The following C12orf42 variants were observed in gnomAD, a reference collection of about 807,000 sequenced individuals.
C12orf42 encodes the protein uncharacterized protein C12orf42.
A neutral mutation model predicts 21.6 loss-of-function variants in C12orf42; 25 were observed. The ratio of observed to expected loss-of-function variants is 1.16; its 90% confidence interval spans 0.84 to 1.62. C12orf42 has a LOEUF of 1.62. Among genes scored for constraint, C12orf42 ranks in the 40% most tolerant of loss-of-function variants. The probability of loss-of-function intolerance (pLI) is 0.00; values close to 1 mark genes in which losing one functional copy is unlikely to be tolerated. For missense variants in C12orf42, 483 were observed against 459.3 expected (o/e 1.05, Z -0.47); for synonymous variants, 174 against 175.0 (o/e 0.99, Z 0.05).
intron 4 of C12orf42, among the ~76,000 whole-genome samples, chr12:103,327,970 C>A (rs1354719241): frequency 6.6e-6 from 1 of 152,196 alleles, no homozygotes; most frequent in East Asian, 1.9e-4. Flanking sequence ...CTGAAAATTC[C>A]AGGAAGATCT....
chr12:103,347,555 T>C (rs2042739482), intron 4 of C12orf42, among the ~76,000 whole-genome samples: 1 of 152,104 alleles, frequency 6.6e-6, no homozygotes, highest in Non-Finnish European at 1.5e-5. Flanking sequence ...CAAAATTCCA[T>C]AAAATCAACA....
chr12:103,498,868 T>C (rs1257891834), upstream of C12orf42, among the ~76,000 whole-genome samples: 1 of 130,984 alleles, frequency 7.6e-6, no homozygotes, highest in African/African-American at 2.9e-5. Context: ...CTGGGGCCTG[T>C]TGGGGGGTGG....
At chr12:103,096,502 A>G in the C12orf42 span, among the ~76,000 whole-genome samples, 2 of 152,156 alleles carry the variant, frequency 1.3e-5, no homozygotes, top group Non-Finnish European at 2.9e-5. Flanking sequence ...AAATTTGAGC[A>G]CCTCTGGCCT....
chr12:103,313,167 C>T (rs1470944998), intron 4 of C12orf42, among the ~76,000 whole-genome samples: 1 of 152,210 alleles, frequency 6.6e-6, no homozygotes, highest in Non-Finnish European at 1.5e-5. Context: ...TTTTGCCTTT[C>T]TCTCTAGGCA....
At position 103,401,614 on chromosome 12, in the gene C12orf42, C is replaced by A. The variant is rs764760133; in HGVS notation, c.140G>T (p.Ser47Ile). Residue 47 changes from serine to isoleucine, a missense_variant, in exon 3 of 6, where the codon AGT (serine) becomes ATT (isoleucine). Coordinates refer to ENST00000548883, the MANE Select transcript of C12orf42 (RefSeq NM_198521.5). ...AACATTCCGCTGACTCACCTTTGCA[C>A]TGGGTGTGCTTCTATCCCACAGGGT... The part of the protein sequence containing the change: ...SATLWDRSTP[S>I]AKHIPCYERT... 16 of 1,613,776 alleles carry A rather than the reference C, an allele frequency of 9.9e-6. No homozygotes were observed. The East Asian group carries it at 3.6e-4, about 36-fold the overall frequency.
At chr12:103,129,079 G>A in the C12orf42 span, among the ~76,000 whole-genome samples, 1 of 152,108 alleles carries the variant, frequency 6.6e-6, no homozygotes, top group South Asian at 2.1e-4. Context: ...AGTGTTCTCA[G>A]CAATCTGTCT....
the C12orf42 span, among the ~76,000 whole-genome samples, chr12:103,209,893 C>A: frequency 6.6e-6 from 1 of 152,088 alleles, no homozygotes; most frequent in East Asian, 1.9e-4. Context: ...TTTCTTAATG[C>A]AATTAAATTT....
At chr12:103,451,073 T>C (rs529881883) in intron 2 of C12orf42, among the ~76,000 whole-genome samples, 5 of 152,110 alleles carry the variant, frequency 3.3e-5, no homozygotes, top group Non-Finnish European at 5.9e-5. Context: ...TGTGTCAGAC[T>C]GCTGTAGGAC....
chr12:103,463,801 A>C (rs930295272), intron 2 of C12orf42, among the ~76,000 whole-genome samples: 2 of 151,978 alleles, frequency 1.3e-5, no homozygotes, highest in African/African-American at 2.4e-5. Flanking sequence ...TTCACCTTCC[A>C]CTTATAAGTG....
chr12:103,200,327 G>C, the C12orf42 span, among the ~76,000 whole-genome samples: 24 of 152,168 alleles, frequency 1.6e-4, no homozygotes, highest in Admixed American at 1.6e-3. Context: ...AGTGACTGGG[G>C]AAACAGGGAA....
the C12orf42 span, among the ~76,000 whole-genome samples, chr12:103,177,766 TAAACTC>T: frequency 1.3e-5 from 2 of 152,194 alleles, no homozygotes; most frequent in African/African-American, 4.8e-5. Flanking sequence ...TTTTGTGTAT[TAAACTC>T]AGACTAATCA....
At chr12:103,324,705 C>A (rs1229525559) in intron 4 of C12orf42, among the ~76,000 whole-genome samples, 1 of 152,152 alleles carries the variant, frequency 6.6e-6, no homozygotes, top group Non-Finnish European at 1.5e-5. Flanking sequence ...GTCCCCTCAT[C>A]CCTATTATGG....
chr12:103,200,581 C>T, the C12orf42 span, among the ~76,000 whole-genome samples: 1 of 152,112 alleles, frequency 6.6e-6, no homozygotes, highest in Non-Finnish European at 1.5e-5. Context: ...CAGGTGTGTA[C>T]TCAGCTCCAA....
In C12orf42 at chr12:103,446,277, GA is replaced by G. The variant is rs1055600818; in HGVS notation, c.78+32071del. ...TCCAGTGAAACTAAGCTTCATAAAT[GA>G]AAAAAAGATACAGTCTTCCAGACAA... On this transcript the variant is annotated intron_variant, in intron 2 of 5. Transcript: ENST00000548883. 1.1e-4 allele frequency among the ~76,000 whole-genome samples: 16 copies of G among 151,710 alleles called. No individual in the cohort carries two copies. In the South Asian group the frequency reaches 1.5e-3, roughly 14 times the overall value.
chr12:103,322,121 G>A (rs986075424), intron 4 of C12orf42, among the ~76,000 whole-genome samples: 19 of 97,740 alleles, frequency 1.9e-4, no homozygotes, highest in South Asian at 3.1e-4. Flanking sequence ...GTGCGCGCGC[G>A]CGCGCACACA....
downstream of C12orf42, among the ~76,000 whole-genome samples, chr12:103,236,333 G>T (rs531787620): frequency 1.3e-5 from 2 of 152,228 alleles, no homozygotes; most frequent in African/African-American, 2.4e-5. Flanking sequence ...AGAAAATCTT[G>T]TTCCCTCAAT....
intron 4 of C12orf42, among the ~76,000 whole-genome samples, chr12:103,355,335 G>A (rs1311972983): frequency 6.6e-6 from 1 of 152,072 alleles, no homozygotes; most frequent in Non-Finnish European, 1.5e-5. Flanking sequence ...GCACATACAT[G>A]CATACACTCT....
the C12orf42 span, among the ~76,000 whole-genome samples, chr12:103,153,484 A>C: frequency 6.6e-6 from 1 of 152,186 alleles, no homozygotes; most frequent in Non-Finnish European, 1.5e-5. Context: ...CAATTTTAAA[A>C]ATAGGCATTC....
chr12:103,184,431 T>C, the C12orf42 span, among the ~76,000 whole-genome samples: 1 of 152,202 alleles, frequency 6.6e-6, no homozygotes, highest in Non-Finnish European at 1.5e-5. Context: ...AACCTACCTA[T>C]GTCATTGAGT....
Sources: gnomAD v4.1 joint callset for allele counts (sites outside exome capture counted in the v4.1 genomes callset) on GRCh38, gnomAD v4.1.1 for gene constraint, MANE v1.5 for transcripts, NCBI Gene and HGNC (gene_info 2026-07-23, HGNC 2026-07-21) for gene names.